Variants in PTPRD observed in about 807,000 individuals in gnomAD.
PTPRD encodes protein tyrosine phosphatase receptor type D.
PTPRD carries 34 observed loss-of-function variants against 214.5 expected under a neutral mutation model. That is an observed-to-expected ratio of 0.16 (90% confidence interval 0.12 to 0.21). The LOEUF (loss-of-function observed/expected upper bound fraction) is 0.21, where lower values mean the gene tolerates loss of function less well. PTPRD is among the 10% of genes least tolerant of loss of function. PTPRD has a pLI of 1.00. For synonymous variants in PTPRD, 1,128 were observed against 845.7 expected (o/e 1.33, Z -5.79); for missense variants, 2,545 against 2,398.7 (o/e 1.06, Z -1.27).
At chr9:8,475,815 A>G (rs1474879666) in intron 30 of PTPRD, among the ~76,000 whole-genome samples, 1 of 151,870 alleles carries the variant, frequency 6.6e-6, no homozygotes, top group African/African-American at 2.4e-5. Flanking sequence ...CTCCATCTCT[A>G]CTGCCACTCT....
At chr9:8,351,371 TA>T (rs1342595732) in intron 39 of PTPRD, among the ~76,000 whole-genome samples, 2 of 151,964 alleles carry the variant, frequency 1.3e-5, no homozygotes, top group African/African-American at 4.8e-5. Context: ...GCAGTACAGA[TA>T]AACTTTCACT....
At position 9,502,186 on chromosome 9, in the gene PTPRD, T is replaced by C. The variant is rs573778215; in HGVS notation, c.-237+72546A>G. ...TTATACAATACATTATTATTAACTA[T>C]AGACACCATGCTGTACGTTAGATCT... On this transcript the variant is annotated intron_variant, in intron 8 of 45. Coordinates refer to ENST00000381196, the MANE Select transcript of PTPRD (RefSeq NM_002839.4). Among the ~76,000 whole-genome samples the C allele has an allele frequency of 3.9e-4, 59 of 152,036 alleles. 1 individual carries two copies. The highest frequency in any genetic ancestry group is 1.3e-3 in the African/African-American group (55 of 41,522).
At chr9:9,362,965 T>C (rs911393472) in intron 9 of PTPRD, among the ~76,000 whole-genome samples, 1 of 151,268 alleles carries the variant, frequency 6.6e-6, no homozygotes, top group Non-Finnish European at 1.5e-5. Flanking sequence ...TTTTATCAAA[T>C]GTTTAAGGAG....
intron 3 of PTPRD, among the ~76,000 whole-genome samples, chr9:10,177,807 C>G (rs1593246988): frequency 1.3e-5 from 2 of 152,038 alleles, no homozygotes; most frequent in South Asian, 4.1e-4. Flanking sequence ...ACTGACTCAT[C>G]TGTAAATTTC....
intron 12 of PTPRD, among the ~76,000 whole-genome samples, chr9:8,680,501 C>T (rs895682789): frequency 6.6e-6 from 1 of 152,148 alleles, no homozygotes; most frequent in Admixed American, 6.5e-5. Flanking sequence ...GATTCAAAGC[C>T]TGTATCATTT....
intron 3 of PTPRD, among the ~76,000 whole-genome samples, chr9:10,272,425 TG>T (rs1168766260): frequency 6.6e-6 from 1 of 152,216 alleles, no homozygotes; most frequent in Non-Finnish European, 1.5e-5. Flanking sequence ...GTACAAATTT[TG>T]GGGTGGACAT....
intron 3 of PTPRD, among the ~76,000 whole-genome samples, chr9:10,256,592 G>A (rs898809773): frequency 2.0e-5 from 3 of 152,120 alleles, no homozygotes; most frequent in South Asian, 2.1e-4. Context: ...TATTTCCTTT[G>A]AGCTATCCTT....
rs180990247 is a variant in PTPRD, at chr9:8,317,076, G to T, written c.*798C>A. The T allele has an allele frequency of 2.6e-5, 6 of 230,484 alleles. No homozygotes were observed. Among genetic ancestry groups the T allele is most frequent in the Non-Finnish European group, 1.7e-5 (2 of 116,866 alleles). 14.3% of individuals were successfully genotyped at this position (230,484 alleles called of 1,614,324 possible). A position where few individuals can be genotyped will look rare whatever the true frequency, so the allele number is the denominator to read the frequency against. ...ATCTTTGATTATTTGAAGAGAATGG[G>T]TACTTTCTCACCAATCAAAACTGAA... On this transcript the variant is annotated 3_prime_UTR_variant, in exon 46 of 46. Transcript: ENST00000381196.
chr9:8,544,320 AATCCGCCTGT>A (rs1170507584), intron 14 of PTPRD, among the ~76,000 whole-genome samples: 1 of 151,302 alleles, frequency 6.6e-6, no homozygotes, highest in Non-Finnish European at 1.5e-5. Flanking sequence ...AACCCTCAGT[AATCCGCCTGT>A]ATCGGCCTCC....
At chr9:10,493,477 T>C (rs559097470) in intron 2 of PTPRD, among the ~76,000 whole-genome samples, 37 of 152,198 alleles carry the variant, frequency 2.4e-4, no homozygotes, top group Non-Finnish European at 4.6e-4. Context: ...TTGACAAACC[T>C]GACAGAAACA....
intron 5 of PTPRD, among the ~76,000 whole-genome samples, chr9:9,886,924 C>G (rs2071163275): frequency 6.6e-6 from 1 of 152,078 alleles, no homozygotes; most frequent in Admixed American, 6.6e-5. Flanking sequence ...GATGGAGCAC[C>G]CAGATGCTCC....
At chr9:9,915,223 G>A (rs370172007) in intron 5 of PTPRD, among the ~76,000 whole-genome samples, 3 of 152,088 alleles carry the variant, frequency 2.0e-5, no homozygotes, top group Non-Finnish European at 4.4e-5. Context: ...AGACCCATTC[G>A]TATGAACATA....
intron 9 of PTPRD, among the ~76,000 whole-genome samples, chr9:9,386,166 AAT>A (rs1179743476): frequency 6.6e-6 from 1 of 152,172 alleles, no homozygotes; most frequent in African/African-American, 2.4e-5. Flanking sequence ...GACAGCGTCC[AAT>A]ATATGTTTCC....
intron 3 of PTPRD, among the ~76,000 whole-genome samples, chr9:10,070,373 T>C (rs1002400922): frequency 5.3e-5 from 8 of 152,194 alleles, no homozygotes; most frequent in South Asian, 2.1e-4. Context: ...TATGTACCTC[T>C]TGTTCAATAA....
intron 14 of PTPRD, among the ~76,000 whole-genome samples, chr9:8,614,352 G>A (rs1377485931): frequency 6.6e-6 from 1 of 152,066 alleles, no homozygotes; most frequent in Non-Finnish European, 1.5e-5. Flanking sequence ...TGCATTTGTG[G>A]CAAATGAGAC....
At chr9:9,318,134 G>A (rs1400074925) in intron 9 of PTPRD, among the ~76,000 whole-genome samples, 5 of 151,130 alleles carry the variant, frequency 3.3e-5, no homozygotes, top group African/African-American at 1.2e-4. Flanking sequence ...TCGTGCCATT[G>A]CACTCCAGCC....
intron 39 of PTPRD, among the ~76,000 whole-genome samples, chr9:8,354,352 T>C (rs1436364778): frequency 6.6e-6 from 1 of 152,190 alleles, no homozygotes; most frequent in Non-Finnish European, 1.5e-5. Flanking sequence ...AATAACTATC[T>C]ACCATGACTG....
chr9:9,885,127 T>C (rs889032553), intron 5 of PTPRD, among the ~76,000 whole-genome samples: 1 of 152,054 alleles, frequency 6.6e-6, no homozygotes, highest in Non-Finnish European at 1.5e-5. Flanking sequence ...GCTAAGTAGA[T>C]TACCAGGCAG....
chr9:9,290,982 A>C (rs1006365137), intron 9 of PTPRD, among the ~76,000 whole-genome samples: 8 of 151,470 alleles, frequency 5.3e-5, no homozygotes, highest in African/African-American at 1.9e-4. Context: ...TAGTTACCTA[A>C]GACCACACTA....
Sources: gnomAD v4.1 joint callset for allele counts (sites outside exome capture counted in the v4.1 genomes callset) on GRCh38, gnomAD v4.1.1 for gene constraint, MANE v1.5 for transcripts, NCBI Gene and HGNC (gene_info 2026-07-23, HGNC 2026-07-21) for gene names.